Variants in ATF1 observed in about 807,000 individuals in gnomAD.
ATF1 encodes cyclic AMP-dependent transcription factor ATF-1.
A neutral mutation model predicts 34.7 loss-of-function variants in ATF1; 16 were observed. That is an observed-to-expected ratio of 0.46 (90% CI 0.31 to 0.70). The LOEUF is 0.70. Among genes scored for constraint, ATF1 ranks in the 30% least tolerant of loss-of-function variants. The pLI is 0.05. For missense variants in ATF1, 255 were observed against 321.6 expected, an observed-to-expected ratio of 0.79 and a Z score of 1.58; for synonymous variants, 105 against 113.1, an observed-to-expected ratio of 0.93 and a Z score of 0.46.
chr12:50,786,879 G>A (rs1941196129), intron 2 of ATF1, among the ~76,000 whole-genome samples: 1 of 152,186 alleles, frequency 6.6e-6, no homozygotes, highest in African/African-American at 2.4e-5. Context: ...ACAAGAGTAT[G>A]GAAAGAGCCT....
intron 2 of ATF1, among the ~76,000 whole-genome samples, chr12:50,783,403 T>C (rs1035103051): frequency 1.3e-5 from 2 of 152,232 alleles, no homozygotes; most frequent in African/African-American, 4.8e-5. Context: ...ATTATTTTTC[T>C]GTTAATAGAG....
At chr12:50,819,464 A>C (rs1941905110) in intron 6 of ATF1, among the ~76,000 whole-genome samples, 171 bp from the exon 7 acceptor site, 1 of 152,232 alleles carries the variant, frequency 6.6e-6, no homozygotes, top group Admixed American at 6.5e-5. Flanking sequence ...ATACAGGTAT[A>C]CACAATTGCC....
chr12:50,764,361 G>C (rs1940569711), intron 1 of ATF1, 54 bp downstream of exon 1: 1 of 151,786 alleles, frequency 6.6e-6, no homozygotes, highest in African/African-American at 2.4e-5. Flanking sequence ...GGAAGGACGC[G>C]GGAACGTGGC....
intron 1 of ATF1, among the ~76,000 whole-genome samples, chr12:50,768,284 T>C (rs1433559990): frequency 6.6e-6 from 1 of 152,244 alleles, no homozygotes; most frequent in East Asian, 1.9e-4. Flanking sequence ...CTCTGTGAAC[T>C]GTCTTATATT....
rs1324800153 is a variant in ATF1, at chr12:50,769,329, A to AC, written c.-7+5026dup. Among the ~76,000 whole-genome samples the AC allele has an allele frequency of 2.0e-5, 3 of 151,960 alleles. No homozygotes were observed. In the South Asian group the frequency reaches 6.2e-4, roughly 32 times the overall value. On this transcript the variant is annotated intron_variant, in intron 1 of 6. Coordinates refer to ENST00000262053, the MANE Select transcript of ATF1 (RefSeq NM_005171.5). Reference sequence around the variant, plus strand: ...AGACCAGTCTGGCCAACATGGTGAAACCCCATCTCTATCAAAAAATACAAA... The same window carrying AC: ...AGACCAGTCTGGCCAACATGGTGAAACCCCCATCTCTATCAAAAAATACAAA...
intron 2 of ATF1, among the ~76,000 whole-genome samples, chr12:50,792,894 AG>A (rs1272341428): frequency 2.6e-5 from 4 of 152,240 alleles, no homozygotes; most frequent in African/African-American, 4.8e-5. Flanking sequence ...AGTAGAGGAA[AG>A]TTCTTATTTG....
At chr12:50,778,723 GATTAC>G in intron 1 of ATF1, among the ~76,000 whole-genome samples, 1 of 152,270 alleles carries the variant, frequency 6.6e-6, no homozygotes, top group East Asian at 1.9e-4. Flanking sequence ...AAGTAGCTGG[GATTAC>G]AGGTGCTTGC....
rs1941341332 is a variant in ATF1, at chr12:50,793,250, CA to C, written c.94-2657del. Among the ~76,000 whole-genome samples, 11 of 152,186 alleles carry C rather than the reference CA, an allele frequency of 7.2e-5. No individual in the cohort carries two copies. The South Asian group carries it at 2.3e-3, about 32-fold the overall frequency. ...AATTACAAGTAATTCCTTAGTTTTA[CA>C]ATTTATTTTCTTAAGTTCAGTGGAA... On this transcript the variant is annotated intron_variant, in intron 2 of 6. Transcript: ENST00000262053.
At chr12:50,780,647 A>G (rs1213646688) in intron 2 of ATF1, among the ~76,000 whole-genome samples, 1 of 57,844 alleles carries the variant, frequency 1.7e-5, no homozygotes, top group Non-Finnish European at 4.4e-5. Flanking sequence ...ACCTGGCATT[A>G]ATGTTAAAAA....
Position 50,814,118 on chromosome 12 carries a change from C to A in ATF1, c.437C>A (p.Thr146Lys). The A allele has an allele frequency of 1.2e-6, 2 of 1,614,206 alleles. No individual in the cohort carries two copies. Among genetic ancestry groups the A allele is most frequent in the Non-Finnish European group, 8.5e-7 (1 of 1,180,028 alleles). Residue 146 changes from threonine (T) to lysine (K), a missense_variant, in exon 5 of 7, where the codon ACA becomes AAA. Thr to Lys is a moderately conservative substitution (Grantham distance 78). This residue lies in a region of ATF1 where 221 missense variants were observed against 250.7 expected (regional missense o/e 0.88). Coordinates refer to ENST00000262053, the MANE Select transcript of ATF1 (RefSeq NM_005171.5). ...MTNSGSTQQGTTILQYAQTSD... is the reference protein window; with the variant it reads ...MTNSGSTQQGKTILQYAQTSD... ...AATTCAGGCAGTACTCAGCAAGGTACAACTATTCTTCAGTATGCACAGACC... is the reference window on the plus strand; with the variant it reads ...AATTCAGGCAGTACTCAGCAAGGTAAAACTATTCTTCAGTATGCACAGACC...
chr12:50,814,085 C>T lies in ATF1; in HGVS notation c.404C>T (p.Thr135Ile). 6.2e-7 allele frequency: 1 copy of T among 1,614,162 alleles called. No individual in the cohort carries two copies. The highest frequency in any genetic ancestry group is 8.5e-7 in the Non-Finnish European group (1 of 1,180,026). The stretch of plus-strand genomic sequence containing the variant: ...GGAGTACAGGGACTTCAGACATTAA[C>T]CATGACAAATTCAGGCAGTACTCAG... ...TDGVQGLQTL[T>I]MTNSGSTQQG... Residue 135 changes from threonine (T) to isoleucine (I), a missense_variant, in exon 5 of 7, where the codon ACC becomes ATC. Physicochemically the swap from Thr to Ile is moderately conservative, Grantham distance 89 (BLOSUM62 -1). This residue lies in a region of ATF1 where 221 missense variants were observed against 250.7 expected (regional missense o/e 0.88). Coordinates refer to ENST00000262053, the MANE Select transcript of ATF1 (RefSeq NM_005171.5).
At chr12:50,777,084 C>T (rs1189278464) in intron 1 of ATF1, among the ~76,000 whole-genome samples, 1 of 152,074 alleles carries the variant, frequency 6.6e-6, no homozygotes, top group Non-Finnish European at 1.5e-5. Flanking sequence ...GAACTCCTGA[C>T]CTCAGATGAT....
chr12:50,765,254 GTTT>G (rs1032475951), intron 1 of ATF1, among the ~76,000 whole-genome samples: 1 of 152,106 alleles, frequency 6.6e-6, no homozygotes, highest in African/African-American at 2.4e-5. Context: ...TTAACCTGAG[GTTT>G]TTGTTAACAG....
intron 2 of ATF1, among the ~76,000 whole-genome samples, chr12:50,789,776 A>AT (rs1353500103): frequency 2.0e-5 from 3 of 152,052 alleles, no homozygotes. Context: ...CAAAAAAAAA[A>AT]GATTGGGGGA....
intron 6 of ATF1, among the ~76,000 whole-genome samples, chr12:50,815,264 G>A (rs1941820063): frequency 6.6e-6 from 1 of 151,994 alleles, no homozygotes; most frequent in African/African-American, 2.4e-5. Context: ...GATAAGGTAT[G>A]GAGGTGGAAG....
chr12:50,809,190 A>G (rs1233728352), intron 3 of ATF1, among the ~76,000 whole-genome samples: 2 of 151,884 alleles, frequency 1.3e-5, no homozygotes, highest in Non-Finnish European at 2.9e-5. Flanking sequence ...CCTGGCCAAC[A>G]TGGTGAAACC....
chr12:50,809,485 A>G lies in ATF1; in HGVS notation c.224A>G (p.Asp75Gly). The G allele has an allele frequency of 6.2e-7, 1 of 1,612,940 alleles. No individual in the cohort carries two copies. The highest frequency in any genetic ancestry group is 8.5e-7 in the Non-Finnish European group (1 of 1,179,418). Reference sequence around the variant, plus strand: ...ATTTTGAAAGACTTATCTTCTGAAGATACACGGGGCAGAAAAGGAGACGGA... The same window carrying G: ...ATTTTGAAAGACTTATCTTCTGAAGGTACACGGGGCAGAAAAGGAGACGGA... ...RKILKDLSSEDTRGRKGDGEN... is the reference protein window; with the variant it reads ...RKILKDLSSEGTRGRKGDGEN... Residue 75 changes from aspartate (D) to glycine (G), a missense_variant, in exon 4 of 7, where the codon GAT becomes GGT. Asp to Gly is a moderately conservative substitution (Grantham distance 94, BLOSUM62 -1). Around this residue, in one of 2 missense-constraint regions of ATF1, gnomAD observed 221 missense variants for 250.7 expected, o/e 0.88. Coordinates refer to ENST00000262053, the MANE Select transcript of ATF1 (RefSeq NM_005171.5).
Position 50,814,154 on chromosome 12 carries a change from A to G in ATF1, c.473A>G (p.Gln158Arg), listed in dbSNP as rs983579164. The G allele has an allele frequency of 4.3e-6, 7 of 1,614,206 alleles. No individual in the cohort carries two copies. The highest frequency in any genetic ancestry group is 5.1e-6 in the Non-Finnish European group (6 of 1,180,022). Residue 158 changes from glutamine to arginine, a missense_variant, in exon 5 of 7, where the codon CAG (glutamine) becomes CGG (arginine). Gln to Arg is a conservative substitution (Grantham distance 43, BLOSUM62 1). Around this residue, in one of 2 missense-constraint regions of ATF1, gnomAD observed 221 missense variants for 250.7 expected, o/e 0.88. Coordinates refer to ENST00000262053, the MANE Select transcript of ATF1 (RefSeq NM_005171.5). The part of the protein sequence containing the change: ...ILQYAQTSDG[Q>R]QILVPSNQVV... Reference sequence around the variant, plus strand: ...CAGTATGCACAGACCTCTGATGGACAGCAGATACTTGTGCCCAGCAATCAG... The same window carrying G: ...CAGTATGCACAGACCTCTGATGGACGGCAGATACTTGTGCCCAGCAATCAG...
chr12:50,771,965 CAAAT>C (rs1403467233), intron 1 of ATF1, among the ~76,000 whole-genome samples: 2 of 152,194 alleles, frequency 1.3e-5, no homozygotes, highest in Non-Finnish European at 2.9e-5. Flanking sequence ...ATATCATCGA[CAAAT>C]AACCATAAAA....
Sources: gnomAD v4.1 joint callset for allele counts (sites outside exome capture counted in the v4.1 genomes callset) on GRCh38, gnomAD v4.1.1 for gene constraint, gnomAD v4.1.1 regional missense constraint, MANE v1.5 for transcripts, NCBI Gene and HGNC (gene_info 2026-07-23, HGNC 2026-07-21) for gene names.